The following ADAMTS14 variants were observed in gnomAD, a reference collection of about 807,000 sequenced individuals.
The protein encoded by ADAMTS14 is ADAM metallopeptidase with thrombospondin type 1 motif 14, also known as A disintegrin and metalloproteinase with thrombospondin motifs 14.
Under a neutral mutation model 128.6 loss-of-function variants are expected in ADAMTS14, and 100 were observed. The ratio of observed to expected loss-of-function variants is 0.78; its 90% CI spans 0.66 to 0.92. ADAMTS14 has a LOEUF of 0.92. ADAMTS14 is among the 40% of genes least tolerant of loss of function. ADAMTS14 has a pLI of 0.00. For missense variants in ADAMTS14, 1,562 were observed against 1,658.6 expected, an observed-to-expected ratio of 0.94 and a Z score of 1.01; for synonymous variants, 665 against 653.8, an observed-to-expected ratio of 1.02 and a Z score of -0.26.
intron 9 of ADAMTS14, among the ~76,000 whole-genome samples, chr10:70,736,352 C>A (rs939779278): frequency 3.3e-5 from 5 of 152,058 alleles, no homozygotes; most frequent in Non-Finnish European, 5.9e-5. Context: ...GCACTGTGAA[C>A]CCAGACCTCC....
intron 4 of ADAMTS14, among the ~76,000 whole-genome samples, chr10:70,713,520 C>G (rs1373080516): frequency 2.0e-5 from 3 of 152,264 alleles, no homozygotes; most frequent in Non-Finnish European, 4.4e-5. Flanking sequence ...CCCTACTCTG[C>G]TGGCCTGTGC....
intron 4 of ADAMTS14, among the ~76,000 whole-genome samples, chr10:70,725,387 T>C (rs1436604109): frequency 6.6e-6 from 1 of 152,226 alleles, no homozygotes; most frequent in African/African-American, 2.4e-5. Flanking sequence ...TGGAGGGGGA[T>C]GGCTTAGCCT....
At position 70,743,691 on chromosome 10, in the gene ADAMTS14, C is replaced by A. The variant is rs748122717; in HGVS notation, c.2058+10C>A. On this transcript the variant is annotated intron_variant, in intron 13 of 21. Transcript: ENST00000373207. ...GCGTGGCGAGTGTGTGGTGGGTGCA[C>A]CCCCAGCCACCCCGACTACCGGCAC... The A allele has an allele frequency of 6.4e-7, 1 of 1,559,334 alleles. No homozygotes were observed. Among genetic ancestry groups the A allele is most frequent in the Non-Finnish European group, 8.7e-7 (1 of 1,151,450 alleles).
chr10:70,729,404 T>C, intron 5 of ADAMTS14, 27 bp downstream of exon 5: 4 of 1,593,770 alleles, frequency 2.5e-6, no homozygotes, highest in Non-Finnish European at 3.4e-6. Context: ...GCAGGCAGGG[T>C]TTGCGGGGAG....
intron 8 of ADAMTS14, 70 bp downstream of exon 8, chr10:70,734,098 C>T (rs1417004462): frequency 9.0e-6 from 14 of 1,561,242 alleles, no homozygotes; most frequent in South Asian, 1.2e-5. Context: ...AGACATCACA[C>T]AGCTGGCTGG....
intron 2 of ADAMTS14, among the ~76,000 whole-genome samples, chr10:70,696,045 T>C (rs894943150): frequency 6.6e-6 from 1 of 152,180 alleles, no homozygotes; most frequent in African/African-American, 2.4e-5. Context: ...TAGACAACGC[T>C]TTCTGCTGTG....
intron 9 of ADAMTS14, among the ~76,000 whole-genome samples, chr10:70,735,543 G>T (rs1406762568): frequency 6.6e-6 from 1 of 152,348 alleles, no homozygotes; most frequent in Middle Eastern, 3.4e-3. Context: ...AGCAGAGAGG[G>T]TGGGCACCTG....
At position 70,674,701 on chromosome 10, in the gene ADAMTS14, A is replaced by C; in HGVS notation, c.228A>C (p.Leu76=). 6.2e-7 allele frequency: 1 copy of C among 1,613,552 alleles called. No homozygotes were observed. The highest frequency in any genetic ancestry group is 8.5e-7 in the Non-Finnish European group (1 of 1,180,026). ...GSMVVDTPPT[L]PRHSSHLRVA... is the part of the protein sequence containing the mutation. Reference sequence around the variant, plus strand: ...TGGTAGTGGACACGCCACCCACACTACCACGACACTCCAGTCACCTCCGGG... The same window carrying C: ...TGGTAGTGGACACGCCACCCACACTCCCACGACACTCCAGTCACCTCCGGG... The change falls in exon 2 of 22, where the codon CTA becomes CTC. Residue 76 remains leucine, a synonymous_variant. Coordinates refer to ENST00000373207, the MANE Select transcript of ADAMTS14 (RefSeq NM_080722.4).
At chr10:70,751,699 G>A in intron 17 of ADAMTS14, 53 bp downstream of exon 17, 1 of 1,582,628 alleles carries the variant, frequency 6.3e-7, no homozygotes. Context: ...AGGATCCCTT[G>A]AGAGGCAGGG....
At chr10:70,677,825 G>A (rs1839692919) in intron 2 of ADAMTS14, among the ~76,000 whole-genome samples, 1 of 152,190 alleles carries the variant, frequency 6.6e-6, no homozygotes, top group African/African-American at 2.4e-5. Context: ...GACAGCAAGG[G>A]GCTGTGTCCC....
At chr10:70,733,438 T>C (rs1029004728) in intron 7 of ADAMTS14, among the ~76,000 whole-genome samples, 2 of 151,760 alleles carry the variant, frequency 1.3e-5, no homozygotes, top group South Asian at 2.1e-4. Flanking sequence ...TGAGGTTGAG[T>C]TGAGTTGAAT....
intron 2 of ADAMTS14, among the ~76,000 whole-genome samples, chr10:70,687,857 C>CA (rs1840028654): frequency 1.6e-5 from 1 of 61,944 alleles, no homozygotes; most frequent in African/African-American, 7.6e-5. Flanking sequence ...GCTGGCCGGG[C>CA]GGGGGGCTGA....
In ADAMTS14 at chr10:70,760,778, T is replaced by C; in HGVS notation, c.3597T>C (p.Pro1199=). ...WGWTQTPTPV[P]EDKGQPGEDL... ...GGACTCAGACACCTACGCCAGTCCC[T>C]GAGGACAAAGGGCAACCTGGAGAAG... is the stretch of plus-strand genomic sequence containing the variant. Residue 1199 remains proline (P), a synonymous_variant, in exon 22 of 22, where the codon CCT becomes CCC. Transcript: ENST00000373207. The C allele has an allele frequency of 6.2e-7, 1 of 1,611,892 alleles. No homozygotes were observed. Among genetic ancestry groups the C allele is most frequent in the South Asian group, 1.1e-5 (1 of 90,856 alleles).
chr10:70,742,067 A>C lies in ADAMTS14; in HGVS notation c.1924+905A>C, dbSNP rs752265329. 2.4e-4 allele frequency among the ~76,000 whole-genome samples: 36 copies of C among 152,148 alleles called. 1 individual carries two copies. The highest frequency in any genetic ancestry group is 7.4e-5 in the Non-Finnish European group (5 of 68,020). ...GTCAGCTCTTCAGCTCTGGTCTAGA[A>C]TGACAGACTCTTCAGGTTGGAAGGG... On this transcript the variant is annotated intron_variant, in intron 12 of 21. Coordinates refer to ENST00000373207, the MANE Select transcript of ADAMTS14 (RefSeq NM_080722.4).
chr10:70,709,634 G>T (rs1281943417), intron 4 of ADAMTS14, among the ~76,000 whole-genome samples: 1 of 150,960 alleles, frequency 6.6e-6, no homozygotes, highest in Non-Finnish European at 1.5e-5. Context: ...CCAAGTAGCT[G>T]GGACTACAGG....
Position 70,733,864 on chromosome 10 carries a change from C to T in ADAMTS14, c.1209-21C>T, listed in dbSNP as rs755689583. ...CAGGCTCCTGGGATGTATCAGGACT[C>T]CTCTGTCTTCCCCATTCCAGGCTCG... On this transcript the variant is annotated intron_variant, in intron 7 of 21. Transcript: ENST00000373207. The T allele has an allele frequency of 3.1e-6, 5 of 1,607,162 alleles. 1 individual carries two copies. In the East Asian group the frequency reaches 6.7e-5, roughly 22 times the overall value.
rs527449735 is a variant in ADAMTS14 at position 70,752,451 on chromosome 10, C to T, written c.2729+224C>T. 4.7e-5 allele frequency among the ~76,000 whole-genome samples: 6 copies of T among 128,142 alleles called. No homozygotes were observed. The South Asian group carries it at 1.1e-3, about 24-fold the overall frequency. The allele number at this position is 128,142 out of a possible 152,430, so 84.1% of individuals were successfully genotyped here. ...AGTCCAGAGACATGGCTCAGCCTGC[C>T]AGCCCCCAGCCATGGTCCAGCCCCT... On this transcript the variant is annotated intron_variant, in intron 18 of 21. Coordinates refer to ENST00000373207, the MANE Select transcript of ADAMTS14 (RefSeq NM_080722.4).
chr10:70,678,503 C>T (rs1839710279), intron 2 of ADAMTS14, among the ~76,000 whole-genome samples: 1 of 146,680 alleles, frequency 6.8e-6, no homozygotes, highest in African/African-American at 2.5e-5. Flanking sequence ...GCCTTCTGGG[C>T]AGGGGGAAGA....
intron 2 of ADAMTS14, among the ~76,000 whole-genome samples, chr10:70,692,958 A>T (rs1840232534): frequency 6.6e-6 from 1 of 152,152 alleles, no homozygotes; most frequent in Non-Finnish European, 1.5e-5. Flanking sequence ...GAAGAATTTT[A>T]GTTGGCTCAT....
Sources: gnomAD v4.1 joint callset for allele counts (sites outside exome capture counted in the v4.1 genomes callset) on GRCh38, gnomAD v4.1.1 for gene constraint, MANE v1.5 for transcripts, NCBI Gene and HGNC (gene_info 2026-07-23, HGNC 2026-07-21) for gene names.